PTPRN2: variants seen among roughly 807,000 people sequenced by gnomAD.
The protein encoded by PTPRN2 is receptor-type tyrosine-protein phosphatase N2.
A neutral mutation model predicts 118.8 loss-of-function variants in PTPRN2; 74 were observed. That is an observed-to-expected ratio of 0.62 (90% CI 0.52 to 0.76). The LOEUF (loss-of-function observed/expected upper bound fraction) is 0.76, where lower values mean the gene tolerates loss of function less well. Ranked by LOEUF, PTPRN2 falls within the 30% of genes least tolerant of loss-of-function variation. PTPRN2 has a pLI of 0.00. For synonymous variants in PTPRN2, 641 were observed against 608.0 expected, an observed-to-expected ratio of 1.05 and a Z score of -0.80; for missense variants, 1,481 against 1,394.4, an observed-to-expected ratio of 1.06 and a Z score of -0.99.
At chr7:158,136,723 C>A (rs924470619) in intron 7 of PTPRN2, 28 bp from the exon 8 acceptor site, 2 of 1,611,354 alleles carry the variant, frequency 1.2e-6, no homozygotes, top group African/African-American at 2.7e-5. Context: ...GTTACCAAGA[C>A]CCTCATCAAG....
intron 6 of PTPRN2, among the ~76,000 whole-genome samples, chr7:158,147,329 C>G: frequency 8.9e-6 from 1 of 112,178 alleles, no homozygotes; most frequent in Admixed American, 8.1e-5. Flanking sequence ...TGTCTTTCCC[C>G]CTCACCGACA....
chr7:157,650,769 C>T (rs946288465), intron 14 of PTPRN2, among the ~76,000 whole-genome samples: 1 of 152,228 alleles, frequency 6.6e-6, no homozygotes, highest in Non-Finnish European at 1.5e-5. Flanking sequence ...GCAGGGGACC[C>T]CAGCCCCTTT....
intron 11 of PTPRN2, among the ~76,000 whole-genome samples, chr7:158,055,398 C>T (rs1370532806): frequency 6.6e-6 from 1 of 152,148 alleles, no homozygotes; most frequent in Non-Finnish European, 1.5e-5. Context: ...ACACCCGCTA[C>T]TTAGCAGACC....
At chr7:158,179,914 T>G (rs970245748) in intron 5 of PTPRN2, among the ~76,000 whole-genome samples, 4 of 152,254 alleles carry the variant, frequency 2.6e-5, no homozygotes, top group African/African-American at 4.8e-5. Context: ...TAAACCACTC[T>G]TAACCCTCAT....
chr7:157,582,892 C>CAA (rs555541438), intron 17 of PTPRN2, among the ~76,000 whole-genome samples: 3 of 149,820 alleles, frequency 2.0e-5, no homozygotes, highest in South Asian at 2.1e-4. Context: ...AAAAACAAAA[C>CAA]AAAAAAAACA....
intron 5 of PTPRN2, among the ~76,000 whole-genome samples, chr7:158,172,021 C>T (rs867294580): frequency 3.9e-5 from 6 of 152,150 alleles, no homozygotes; most frequent in South Asian, 2.1e-4. Context: ...ATGAAGCATT[C>T]GAGAGCTTCT....
intron 10 of PTPRN2, among the ~76,000 whole-genome samples, chr7:158,082,010 T>A (rs1812880641): frequency 6.6e-6 from 1 of 152,168 alleles, no homozygotes; most frequent in African/African-American, 2.4e-5. Flanking sequence ...CATCTCAAAA[T>A]GAATTAGGAA....
intron 1 of PTPRN2, among the ~76,000 whole-genome samples, chr7:158,523,394 G>T (rs531944924): frequency 1.5e-5 from 2 of 132,804 alleles, no homozygotes; most frequent in Non-Finnish European, 3.3e-5. Context: ...GCCCTGGAGC[G>T]GAGTCATCTG....
At position 157,990,391 on chromosome 7, in the gene PTPRN2, G is replaced by A. The variant is rs765297073; in HGVS notation, c.1723+90907C>T. Among the ~76,000 whole-genome samples the A allele has an allele frequency of 2.0e-5, 3 of 152,168 alleles. No homozygotes were observed. The highest frequency in any genetic ancestry group is 2.9e-5 in the Non-Finnish European group (2 of 68,028). On this transcript the variant is annotated intron_variant, in intron 11 of 22. Coordinates refer to ENST00000389418, the MANE Select transcript of PTPRN2 (RefSeq NM_002847.5). The surrounding 1 kb of genome is among the most constrained non-coding windows in gnomAD (Gnocchi z 4.3). ...GCCAGGAATGCATCACGGCACCTGC[G>A]CACAGGGGTGGCCTCCAGGGGCTCC...
intron 2 of PTPRN2, among the ~76,000 whole-genome samples, chr7:158,485,077 GC>G (rs951361910): frequency 5.3e-5 from 8 of 152,228 alleles, no homozygotes; most frequent in African/African-American, 1.9e-4. Flanking sequence ...CCCTGCAACG[GC>G]CCGCAGGCCC....
intron 17 of PTPRN2, among the ~76,000 whole-genome samples, chr7:157,581,143 A>T (rs1248690896): frequency 5.6e-5 from 5 of 89,764 alleles, no homozygotes; most frequent in Non-Finnish European, 9.5e-5. Context: ...ACCTGCACAC[A>T]CCAGCACCTG....
At chr7:158,263,196 C>A (rs1797647265) in intron 3 of PTPRN2, among the ~76,000 whole-genome samples, 1 of 152,180 alleles carries the variant, frequency 6.6e-6, no homozygotes, top group Non-Finnish European at 1.5e-5. Context: ...TTCACACACA[C>A]TGCACATGCG....
intron 2 of PTPRN2, among the ~76,000 whole-genome samples, chr7:158,458,053 T>C (rs140909746): frequency 0.02 from 3,023 of 152,254 alleles, 91 homozygotes; most frequent in South Asian, 0.066. Flanking sequence ...GTTAATTTGG[T>C]GTCTCCTGGG....
intron 1 of PTPRN2, among the ~76,000 whole-genome samples, chr7:158,579,703 A>G (rs1204995625): frequency 6.6e-6 from 1 of 152,242 alleles, no homozygotes; most frequent in Admixed American, 6.5e-5. Context: ...TATTTGCAGA[A>G]ATCACCAGCA....
chr7:157,723,486 C>G (rs1799360242), intron 12 of PTPRN2, among the ~76,000 whole-genome samples: 1 of 152,234 alleles, frequency 6.6e-6, no homozygotes, highest in Admixed American at 6.5e-5. Flanking sequence ...CTCCCCACAC[C>G]AGCATGTCAC....
chr7:158,255,623 G>A (rs1796972531), intron 3 of PTPRN2, among the ~76,000 whole-genome samples: 1 of 152,166 alleles, frequency 6.6e-6, no homozygotes, highest in South Asian at 2.1e-4. Context: ...TGTCCATTCA[G>A]GATGCTTTGG....
At chr7:157,592,991 T>C (rs1417789255) in intron 17 of PTPRN2, among the ~76,000 whole-genome samples, 1 of 125,514 alleles carries the variant, frequency 8.0e-6, no homozygotes, top group Non-Finnish European at 1.6e-5. Flanking sequence ...TGAGTGTGGA[T>C]GCCGAGAGGC....
intron 11 of PTPRN2, among the ~76,000 whole-genome samples, chr7:158,059,279 GCACA>G (rs1309872820): frequency 7.2e-6 from 1 of 139,046 alleles, no homozygotes; most frequent in African/African-American, 3.2e-5. Context: ...CACTCCATCT[GCACA>G]CAGTGACACA....
chr7:158,281,122 A>T (rs1799396711), intron 3 of PTPRN2, among the ~76,000 whole-genome samples: 1 of 152,168 alleles, frequency 6.6e-6, no homozygotes, highest in Admixed American at 6.5e-5. Flanking sequence ...TGATCAACAT[A>T]GTGAACCCCA....
Sources: gnomAD v4.1 joint callset for allele counts (sites outside exome capture counted in the v4.1 genomes callset) on GRCh38, gnomAD v4.1.1 for gene constraint, Gnocchi (gnomAD v3.1) non-coding constraint, MANE v1.5 for transcripts, NCBI Gene and HGNC (gene_info 2026-07-23, HGNC 2026-07-21) for gene names.